Variants in CTNNA2 observed in about 807,000 individuals in gnomAD.
CTNNA2 encodes catenin alpha-2.
CTNNA2 carries 42 observed loss-of-function variants against 101.0 expected under a neutral mutation model. That is an observed-to-expected ratio of 0.42 (90% confidence interval 0.32 to 0.54). CTNNA2 has a LOEUF of 0.54. CTNNA2 is among the 20% of genes least tolerant of loss of function. The pLI is 0.14. For synonymous variants in CTNNA2, 450 were observed against 456.4 expected (o/e 0.99, Z 0.18); for missense variants, 871 against 1,223.1 (o/e 0.71, Z 4.29).
chr2:79,360,393 T>A (rs1445704619), intron 3 of CTNNA2, among the ~76,000 whole-genome samples: 2 of 152,140 alleles, frequency 1.3e-5, no homozygotes, highest in South Asian at 2.1e-4. Context: ...AAGGAGCATA[T>A]ATATTCTGGT....
chr2:80,627,229 C>A (rs1436530384), intron 18 of CTNNA2, among the ~76,000 whole-genome samples: 1 of 152,120 alleles, frequency 6.6e-6, no homozygotes, highest in Non-Finnish European at 1.5e-5. Context: ...TGGGCATTTA[C>A]CCAGTAATGG....
intron 9 of CTNNA2, among the ~76,000 whole-genome samples, chr2:80,541,650 G>T (rs867400618): frequency 6.6e-6 from 1 of 151,948 alleles, no homozygotes; most frequent in Non-Finnish European, 1.5e-5. Context: ...CAGGTGACTC[G>T]CAGTCAGCAT....
At chr2:80,030,824 G>T (rs978340753) in intron 7 of CTNNA2, among the ~76,000 whole-genome samples, 5 of 151,870 alleles carry the variant, frequency 3.3e-5, no homozygotes, top group African/African-American at 9.7e-5. Context: ...TCTGAAAAAT[G>T]GACACACAAA....
chr2:79,847,773 G>A (rs1680355640), intron 3 of CTNNA2, among the ~76,000 whole-genome samples: 1 of 152,092 alleles, frequency 6.6e-6, no homozygotes. Flanking sequence ...AGGAAATCAA[G>A]ATGTCCTTTA....
chr2:80,417,826 A>G (rs950196958), intron 8 of CTNNA2, among the ~76,000 whole-genome samples: 1 of 152,054 alleles, frequency 6.6e-6, no homozygotes, highest in African/African-American at 2.4e-5. Flanking sequence ...ATAACTTTGG[A>G]TGAGATTTGG....
intron 7 of CTNNA2, among the ~76,000 whole-genome samples, chr2:80,005,495 G>T (rs532080997): frequency 3.3e-5 from 5 of 152,228 alleles, no homozygotes; most frequent in East Asian, 1.9e-4. Context: ...ACTAACATTC[G>T]CTGTTCTTCA....
At chr2:79,804,737 A>C (rs2105312065) in intron 3 of CTNNA2, among the ~76,000 whole-genome samples, 1 of 152,302 alleles carries the variant, frequency 6.6e-6, no homozygotes, top group Admixed American at 6.5e-5. Context: ...AAAATTTTAG[A>C]CCATGGATTA....
intron 4 of CTNNA2, among the ~76,000 whole-genome samples, chr2:79,395,682 A>T (rs895949080): frequency 6.6e-6 from 1 of 152,232 alleles, no homozygotes; most frequent in Non-Finnish European, 1.5e-5. Flanking sequence ...TTATAAAAGT[A>T]TCAAGAGAGA....
chr2:79,313,811 T>C (rs973954203), intron 3 of CTNNA2, among the ~76,000 whole-genome samples: 2 of 151,890 alleles, frequency 1.3e-5, no homozygotes, highest in Admixed American at 6.6e-5. Context: ...TCATCAGGGA[T>C]TGGGGTGTGT....
intron 7 of CTNNA2, among the ~76,000 whole-genome samples, chr2:80,143,537 C>T (rs1387567640): frequency 2.0e-5 from 3 of 152,008 alleles, no homozygotes; most frequent in Non-Finnish European, 2.9e-5. Flanking sequence ...AGTCATTCGT[C>T]CTAACTGAAA....
At chr2:79,479,790 G>A (rs1326585880) in intron 4 of CTNNA2, among the ~76,000 whole-genome samples, 1 of 151,996 alleles carries the variant, frequency 6.6e-6, no homozygotes, top group African/African-American at 2.4e-5. Flanking sequence ...CGGCATGGTG[G>A]TGGGCACCTG....
At chr2:79,671,868 A>G (rs771292473) in intron 2 of CTNNA2, among the ~76,000 whole-genome samples, 2 of 152,212 alleles carry the variant, frequency 1.3e-5, no homozygotes, top group African/African-American at 2.4e-5. Context: ...AGGTGATTCT[A>G]TCAGCTAAAG....
chr2:79,710,506 G>T (rs985403839), intron 2 of CTNNA2, among the ~76,000 whole-genome samples: 14 of 152,198 alleles, frequency 9.2e-5, no homozygotes, highest in African/African-American at 3.1e-4. Flanking sequence ...GAATAGAAGT[G>T]TTTCCATTTC....
At chr2:80,590,563 GGTT>G (rs1696397342) in intron 15 of CTNNA2, among the ~76,000 whole-genome samples, 1 of 151,944 alleles carries the variant, frequency 6.6e-6, no homozygotes, top group Non-Finnish European at 1.5e-5. Context: ...TTTTTTTAAT[GGTT>G]GTTGAATGCT....
At chr2:79,372,413 G>A (rs1162085631) in intron 3 of CTNNA2, among the ~76,000 whole-genome samples, 1 of 152,172 alleles carries the variant, frequency 6.6e-6, no homozygotes, top group African/African-American at 2.4e-5. Flanking sequence ...AACGTGTCCA[G>A]GTCTTCTCCA....
chr2:79,988,337 C>A (rs1445195039), intron 7 of CTNNA2, among the ~76,000 whole-genome samples: 1 of 152,132 alleles, frequency 6.6e-6, no homozygotes, highest in Non-Finnish European at 1.5e-5. Context: ...TATGATGTGT[C>A]TATTTGAATA....
chr2:79,812,912 T>C (rs1195238650), intron 3 of CTNNA2, among the ~76,000 whole-genome samples: 1 of 152,012 alleles, frequency 6.6e-6, no homozygotes. Flanking sequence ...AAGCTCAGCC[T>C]CCACACCCCA....
At chr2:80,099,028 G>C (rs576493305) in intron 7 of CTNNA2, among the ~76,000 whole-genome samples, 3 of 151,950 alleles carry the variant, frequency 2.0e-5, no homozygotes, top group African/African-American at 7.2e-5. Flanking sequence ...CCCACTGTCC[G>C]GCACTCCCCA....
At chr2:80,361,014 A>T (rs999277920) in intron 7 of CTNNA2, among the ~76,000 whole-genome samples, 1 of 152,020 alleles carries the variant, frequency 6.6e-6, no homozygotes, top group African/African-American at 2.4e-5. Flanking sequence ...AATGGATGGT[A>T]TACACGGATG....
Sources: gnomAD v4.1 joint callset for allele counts (sites outside exome capture counted in the v4.1 genomes callset) on GRCh38, gnomAD v4.1.1 for gene constraint, MANE v1.5 for transcripts, NCBI Gene and HGNC (gene_info 2026-07-23, HGNC 2026-07-21) for gene names.